The following BBX variants were observed in gnomAD, a reference collection of about 807,000 sequenced individuals.
BBX encodes BBX high mobility group box domain containing, also known as HMG box transcription factor BBX.
BBX carries 30 observed loss-of-function variants against 100.2 expected under a neutral mutation model. The ratio of observed to expected loss-of-function variants is 0.30; its 90% CI spans 0.22 to 0.41. The LOEUF (loss-of-function observed/expected upper bound fraction) is 0.41, where lower values mean the gene tolerates loss of function less well. Among genes scored for constraint, BBX ranks in the 10% least tolerant of loss-of-function variants. BBX has a pLI of 1.00. For synonymous variants in BBX, 376 were observed against 388.1 expected (o/e 0.97, Z 0.37); for missense variants, 1,023 against 1,129.8 (o/e 0.91, Z 1.35).
intron 7 of BBX, among the ~76,000 whole-genome samples, chr3:107,738,470 A>C (rs1471963666): frequency 6.6e-6 from 1 of 152,106 alleles, no homozygotes; most frequent in African/African-American, 2.4e-5. Flanking sequence ...CGTAAGACTA[A>C]CTCTTAATCC....
intron 2 of BBX, among the ~76,000 whole-genome samples, chr3:107,578,122 A>G (rs62261974): frequency 0.13 from 20,531 of 152,250 alleles, 1,618 homozygotes; most frequent in Middle Eastern, 0.2. Context: ...TTGTTTGACT[A>G]GTCAATGTTC....
chr3:107,707,791 C>T (rs1258716792), intron 3 of BBX, among the ~76,000 whole-genome samples: 1 of 152,154 alleles, frequency 6.6e-6, no homozygotes, highest in African/African-American at 2.4e-5. Flanking sequence ...CTGTTTTTCT[C>T]TTTGAATATT....
chr3:107,746,701 C>T (rs1242233564), intron 8 of BBX, among the ~76,000 whole-genome samples: 3 of 151,986 alleles, frequency 2.0e-5, no homozygotes, highest in Admixed American at 2.0e-4. Flanking sequence ...GTGCTCCTCC[C>T]ACCTAGCCTC....
Position 107,774,780 on chromosome 3 carries a change from C to A in BBX, c.1977C>A (p.Ser659Arg), listed in dbSNP as rs1166112447. Residue 659 changes from serine (S) to arginine (R), a missense_variant, in exon 12 of 18, where the codon AGC becomes AGA. By Grantham distance (110) the Ser-to-Arg change is moderately radical (BLOSUM62 -1). Transcript: ENST00000325805. ...ATGAAGGGTGTTGGAATGAAGAAAG[C>A]TGGACATTTAGTCAGAGTGGGACCA... ...SDHEGCWNEE[S>R]WTFSQSGTSG... is the part of the protein sequence containing the mutation. 1 of 1,613,588 alleles carries A rather than the reference C, an allele frequency of 6.2e-7. No homozygotes were observed. The highest frequency in any genetic ancestry group is 1.1e-5 in the South Asian group (1 of 91,072).
At chr3:107,611,635 C>G (rs1264106385) in intron 2 of BBX, among the ~76,000 whole-genome samples, 1 of 152,038 alleles carries the variant, frequency 6.6e-6, no homozygotes, top group East Asian at 1.9e-4. Flanking sequence ...TTATTTGTTT[C>G]TTTCCTCTTG....
intron 8 of BBX, among the ~76,000 whole-genome samples, chr3:107,747,480 T>A (rs2064718767): frequency 6.6e-6 from 1 of 152,092 alleles, no homozygotes. Flanking sequence ...TGTGGGTAAG[T>A]AGCAGAGCTG....
intron 3 of BBX, among the ~76,000 whole-genome samples, chr3:107,649,629 A>T (rs541926921): frequency 7.0e-6 from 1 of 142,484 alleles, no homozygotes; most frequent in East Asian, 2.4e-4. Flanking sequence ...GACATCCGAC[A>T]GTGCATATCT....
At chr3:107,633,053 T>C (rs2056642492) in intron 2 of BBX, among the ~76,000 whole-genome samples, 1 of 152,154 alleles carries the variant, frequency 6.6e-6, no homozygotes, top group Non-Finnish European at 1.5e-5. Context: ...GGAGATTATT[T>C]TTCATATTTG....
chr3:107,689,871 C>T (rs2060051633), intron 3 of BBX, among the ~76,000 whole-genome samples: 1 of 152,244 alleles, frequency 6.6e-6, no homozygotes, highest in Middle Eastern at 3.4e-3. Flanking sequence ...CCTTTATAGG[C>T]TGTGTTCCTA....
chr3:107,778,248 A>G, intron 12 of BBX, 123 bp from the exon 13 acceptor site: 1 of 1,219,728 alleles, frequency 8.2e-7, no homozygotes, highest in Non-Finnish European at 1.2e-6. Flanking sequence ...CCTTGCACAG[A>G]ATTTACTTAC....
rs528290354 is a variant in BBX, at chr3:107,523,247, C to T, written c.-156+140C>T. On this transcript the variant is annotated intron_variant, in intron 1 of 17. Transcript: ENST00000325805. ...GCGGCGGCGGCGGCGGCGGCGGCGG[C>T]AGCCGGTAGGGTGGACTTGAGGAAG... 6.7e-5 allele frequency: 15 copies of T among 224,358 alleles called. No homozygotes were observed. The South Asian group carries it at 7.2e-4, about 11-fold the overall frequency. The allele number at this position is 224,358 out of a possible 1,614,324, so 13.9% of individuals were successfully genotyped here.
chr3:107,747,869 T>C, intron 8 of BBX, 96 bp from the exon 9 acceptor site: 2 of 978,896 alleles, frequency 2.0e-6, no homozygotes, highest in East Asian at 5.1e-5. Flanking sequence ...TTTTTAAATC[T>C]TTATCAGTGT....
intron 7 of BBX, among the ~76,000 whole-genome samples, chr3:107,734,992 G>A (rs569076675): frequency 6.6e-6 from 1 of 152,148 alleles, no homozygotes; most frequent in African/African-American, 2.4e-5. Context: ...GAAGGTGGTA[G>A]CAGTTAGGTC....
At chr3:107,635,509 C>T (rs923080502) in intron 2 of BBX, among the ~76,000 whole-genome samples, 20 of 152,078 alleles carry the variant, frequency 1.3e-4, no homozygotes, top group Non-Finnish European at 2.9e-4. Flanking sequence ...AAACCTGAAA[C>T]TTATCTTTAT....
At chr3:107,772,591 CT>C in intron 10 of BBX, 36 bp from the exon 11 acceptor site, 5 of 1,525,038 alleles carry the variant, frequency 3.3e-6, no homozygotes, top group Non-Finnish European at 4.4e-6. Flanking sequence ...AATAAGGATA[CT>C]TTCGGGTGCT....
intron 13 of BBX, among the ~76,000 whole-genome samples, chr3:107,780,754 A>G (rs2067795428): frequency 6.6e-6 from 1 of 152,088 alleles, no homozygotes; most frequent in Non-Finnish European, 1.5e-5. Context: ...TAGCAGCACC[A>G]ATATACTAGA....
intron 3 of BBX, among the ~76,000 whole-genome samples, chr3:107,707,252 A>G (rs2061447087): frequency 6.6e-6 from 1 of 152,226 alleles, no homozygotes; most frequent in Non-Finnish European, 1.5e-5. Flanking sequence ...GTTCTCAGAC[A>G]TCACATGCCA....
chr3:107,556,818 T>A (rs114811772), intron 2 of BBX, among the ~76,000 whole-genome samples: 2 of 152,296 alleles, frequency 1.3e-5, no homozygotes, highest in Non-Finnish European at 2.9e-5. Context: ...TTTCTTAGTA[T>A]TCTACTTCAT....
intron 3 of BBX, among the ~76,000 whole-genome samples, chr3:107,690,022 T>C (rs2060060327): frequency 6.6e-6 from 1 of 152,202 alleles, no homozygotes; most frequent in Non-Finnish European, 1.5e-5. Context: ...AAGTGGTACA[T>C]AGTTGGAAAG....
Sources: allele counts gnomAD v4.1 joint callset (sites outside exome capture counted in the v4.1 genomes callset), GRCh38; gene constraint gnomAD v4.1.1; transcripts MANE v1.5; gene names NCBI Gene and HGNC (gene_info 2026-07-23, HGNC 2026-07-21).